Variants in NGEF observed in about 807,000 individuals in gnomAD.
The protein encoded by NGEF is ephexin-1.
In NGEF, 31 loss-of-function variants were observed where a neutral mutation model predicts 80.9. The observed-to-expected ratio is 0.38, with a 90% confidence interval of 0.29 to 0.52. NGEF has a LOEUF of 0.52. Among genes scored for constraint, NGEF ranks in the 20% least tolerant of loss-of-function variants. The probability of loss-of-function intolerance (pLI) is 0.84; values close to 1 mark genes in which losing one functional copy is unlikely to be tolerated. For synonymous variants in NGEF, 371 were observed against 370.2 expected, an observed-to-expected ratio of 1.00 and a Z score of -0.03; for missense variants, 709 against 926.2, an observed-to-expected ratio of 0.77 and a Z score of 3.04.
chr2:232,909,958 T>C (rs1049164890), intron 5 of NGEF, among the ~76,000 whole-genome samples: 1 of 152,258 alleles, frequency 6.6e-6, no homozygotes, highest in Non-Finnish European at 1.5e-5. Flanking sequence ...TTCCTTTTTA[T>C]TGCATGGTAC....
At chr2:232,929,894 C>G (rs1693183992) in intron 3 of NGEF, among the ~76,000 whole-genome samples, 2 of 152,078 alleles carry the variant, frequency 1.3e-5, no homozygotes, top group Non-Finnish European at 2.9e-5. Context: ...GTGGTTTCCC[C>G]CATATTGTTC....
At chr2:232,900,519 TAG>T (rs1433220883) in intron 5 of NGEF, among the ~76,000 whole-genome samples, 1 of 66,312 alleles carries the variant, frequency 1.5e-5, no homozygotes, top group Non-Finnish European at 2.8e-5. Flanking sequence ...CACATTCACT[TAG>T]ACACATGCTC....
At chr2:232,929,279 G>A (rs1256858096) in intron 3 of NGEF, among the ~76,000 whole-genome samples, 1 of 152,248 alleles carries the variant, frequency 6.6e-6, no homozygotes, top group Non-Finnish European at 1.5e-5. Flanking sequence ...CAGCGGTGCA[G>A]TTACTCGTTA....
intron 1 of NGEF, among the ~76,000 whole-genome samples, chr2:233,005,081 C>T (rs1458599982): frequency 6.6e-6 from 1 of 152,224 alleles, no homozygotes; most frequent in African/African-American, 2.4e-5. Flanking sequence ...CACACTTTCC[C>T]TTCCAACCTA....
intron 3 of NGEF, among the ~76,000 whole-genome samples, chr2:232,952,938 A>C (rs941150740): frequency 3.0e-5 from 4 of 133,568 alleles, no homozygotes; most frequent in Admixed American, 8.7e-5. Context: ...ACTGCACTCC[A>C]ACAAGAGTGC....
intron 1 of NGEF, among the ~76,000 whole-genome samples, chr2:233,008,346 C>T (rs1695130166): frequency 6.6e-6 from 1 of 152,094 alleles, no homozygotes; most frequent in Non-Finnish European, 1.5e-5. Flanking sequence ...TCACTTTGGG[C>T]CCAGAGAGCA....
At chr2:232,993,673 G>A (rs571255445) in intron 1 of NGEF, among the ~76,000 whole-genome samples, 4 of 152,240 alleles carry the variant, frequency 2.6e-5, no homozygotes, top group East Asian at 3.9e-4. Flanking sequence ...CACCAAGAAC[G>A]TCTGTCAGCC....
rs374781340 is a variant in NGEF at position 232,970,207 on chromosome 2, C to T, written c.383+7G>A. 2.0e-5 allele frequency: 31 copies of T among 1,537,772 alleles called. No individual in the cohort carries two copies. In the East Asian group the frequency reaches 3.9e-4, roughly 19 times the overall value. ...ACCAGCATTCCTCATGATCTGCCAT[C>T]TCTTACCTCATTTCCTGGGCTCCTG... On this transcript the variant is annotated splice_region_variant and intron_variant, in intron 3 of 14. Coordinates refer to ENST00000264051, the MANE Select transcript of NGEF (RefSeq NM_019850.3).
chr2:232,896,951 A>G (rs1452593755), intron 5 of NGEF, among the ~76,000 whole-genome samples: 1 of 110,222 alleles, frequency 9.1e-6, no homozygotes, highest in Non-Finnish European at 1.8e-5. Flanking sequence ...GGGTGAGGGT[A>G]CAGGTGAGGA....
chr2:232,957,270 A>G (rs972372561), intron 3 of NGEF, among the ~76,000 whole-genome samples: 1 of 152,184 alleles, frequency 6.6e-6, no homozygotes, highest in African/African-American at 2.4e-5. Flanking sequence ...CCACAGTTCA[A>G]GCTCAGGCCC....
At chr2:232,903,474 C>G (rs1177044583) in intron 5 of NGEF, among the ~76,000 whole-genome samples, 1 of 151,966 alleles carries the variant, frequency 6.6e-6, no homozygotes, top group African/African-American at 2.4e-5. Context: ...GAATATGTGT[C>G]TGACGAGGGA....
intron 5 of NGEF, among the ~76,000 whole-genome samples, chr2:232,916,348 A>G (rs1281876466): frequency 6.6e-6 from 1 of 152,202 alleles, no homozygotes; most frequent in African/African-American, 2.4e-5. Flanking sequence ...TAATTTGCCT[A>G]AGGTCACACA....
At chr2:232,980,341 GAGGA>G (rs1475652304) in intron 1 of NGEF, among the ~76,000 whole-genome samples, 2 of 152,150 alleles carry the variant, frequency 1.3e-5, no homozygotes, top group African/African-American at 4.8e-5. Flanking sequence ...TACTGCAGGG[GAGGA>G]AGGCACAGGG....
chr2:233,002,894 G>A (rs1288875574), intron 1 of NGEF, among the ~76,000 whole-genome samples: 1 of 151,538 alleles, frequency 6.6e-6, no homozygotes, highest in African/African-American at 2.4e-5. Flanking sequence ...CTGGAGGGTG[G>A]GGCCCAGGCG....
chr2:232,920,734 G>T, intron 4 of NGEF, 149 bp from the exon 5 acceptor site: 1 of 575,966 alleles, frequency 1.7e-6, no homozygotes, highest in Non-Finnish European at 2.7e-6. Context: ...CCATCTCAGC[G>T]GCAGGCTCCA....
intron 1 of NGEF, among the ~76,000 whole-genome samples, chr2:232,993,224 A>AT (rs1694709097): frequency 5.5e-5 from 2 of 36,540 alleles, no homozygotes; most frequent in African/African-American, 3.0e-4. Flanking sequence ...GTATAGATAC[A>AT]CACATATATA....
chr2:232,934,198 C>T (rs1185818221), intron 3 of NGEF, among the ~76,000 whole-genome samples: 2 of 145,080 alleles, frequency 1.4e-5, no homozygotes, highest in African/African-American at 5.1e-5. Flanking sequence ...GCCGAGATTG[C>T]GCCACTGTAC....
chr2:232,943,990 T>C (rs1400884584), intron 3 of NGEF, among the ~76,000 whole-genome samples: 12 of 151,204 alleles, frequency 7.9e-5, no homozygotes, highest in Admixed American at 7.9e-4. Context: ...CCCAGCACTT[T>C]GGGAGGCCGA....
chr2:232,942,904 CTTTTTTT>C (rs60735452), intron 3 of NGEF, among the ~76,000 whole-genome samples: 25 of 117,888 alleles, frequency 2.1e-4, no homozygotes, highest in African/African-American at 4.0e-4. Flanking sequence ...AGTGAAATTT[CTTTTTTT>C]TTTTTTTTTT....
Sources: gnomAD v4.1 joint callset for allele counts (sites outside exome capture counted in the v4.1 genomes callset) on GRCh38, gnomAD v4.1.1 for gene constraint, MANE v1.5 for transcripts, NCBI Gene and HGNC (gene_info 2026-07-23, HGNC 2026-07-21) for gene names.